The following SORCS1 variants were observed in gnomAD, a reference collection of about 807,000 sequenced individuals.
SORCS1 encodes VPS10 domain-containing receptor SorCS1.
Under a neutral mutation model 146.1 loss-of-function variants are expected in SORCS1, and 60 were observed. The observed-to-expected ratio is 0.41, with a 90% CI of 0.33 to 0.51. The LOEUF is 0.51. SORCS1 is among the 20% of genes least tolerant of loss of function. The pLI, the probability that SORCS1 is intolerant of heterozygous loss-of-function variation, is 0.21. For synonymous variants in SORCS1, 637 were observed against 584.0 expected, an observed-to-expected ratio of 1.09 and a Z score of -1.31; for missense variants, 1,352 against 1,487.6, an observed-to-expected ratio of 0.91 and a Z score of 1.50.
intron 2 of SORCS1, among the ~76,000 whole-genome samples, chr10:106,922,565 TAAGTGA>T (rs554727840): frequency 2.0e-3 from 311 of 152,298 alleles, no homozygotes; most frequent in Non-Finnish European, 3.5e-3. Context: ...ACAGCAAATT[TAAGTGA>T]AAGTACAGAG....
At chr10:106,901,175 A>T (rs932870797) in intron 2 of SORCS1, among the ~76,000 whole-genome samples, 3 of 152,234 alleles carry the variant, frequency 2.0e-5, no homozygotes, top group African/African-American at 7.2e-5. Context: ...CACTCAAGGG[A>T]GTCAGCAGGA....
At chr10:106,836,197 G>A (rs1948774768) in intron 2 of SORCS1, among the ~76,000 whole-genome samples, 1 of 152,104 alleles carries the variant, frequency 6.6e-6, no homozygotes. Flanking sequence ...GAGGTGCGCC[G>A]GGCGCAGTGG....
chr10:106,890,300 T>G (rs1251663663), intron 2 of SORCS1, among the ~76,000 whole-genome samples: 6 of 152,182 alleles, frequency 3.9e-5, no homozygotes, highest in African/African-American at 7.2e-5. Context: ...ATTGAACCTT[T>G]TTTTCTATCT....
At chr10:106,944,962 T>C (rs1376730798) in intron 2 of SORCS1, among the ~76,000 whole-genome samples, 1 of 144,914 alleles carries the variant, frequency 6.9e-6, no homozygotes, top group African/African-American at 2.6e-5. Flanking sequence ...CTTGGCTCAC[T>C]GCAACCTCTG....
chr10:106,985,503 C>T (rs1050428516), intron 1 of SORCS1, among the ~76,000 whole-genome samples: 15 of 150,644 alleles, frequency 1.0e-4, no homozygotes, highest in Admixed American at 7.3e-4. Context: ...CAAGACAACA[C>T]GTGAAGTCTA....
At chr10:106,735,981 T>C (rs921812442) in intron 5 of SORCS1, among the ~76,000 whole-genome samples, 2 of 152,030 alleles carry the variant, frequency 1.3e-5, no homozygotes, top group Non-Finnish European at 2.9e-5. Flanking sequence ...CTTAAGTAGG[T>C]TTTCACATTT....
intron 2 of SORCS1, among the ~76,000 whole-genome samples, chr10:106,929,639 T>C (rs1441103362): frequency 1.3e-5 from 2 of 152,196 alleles, no homozygotes; most frequent in Non-Finnish European, 2.9e-5. Flanking sequence ...ATTGTTTTAG[T>C]AGCCTGAGTT....
chr10:107,065,529 T>C (rs1487671868), intron 1 of SORCS1, among the ~76,000 whole-genome samples: 1 of 145,472 alleles, frequency 6.9e-6, no homozygotes, highest in Admixed American at 7.0e-5. Context: ...TCTTTCTTTC[T>C]TTCTCTTTCT....
chr10:106,926,420 C>A (rs1282680742), intron 2 of SORCS1, among the ~76,000 whole-genome samples: 1 of 152,128 alleles, frequency 6.6e-6, no homozygotes, highest in Non-Finnish European at 1.5e-5. Flanking sequence ...TGAGCCTCAA[C>A]TGTCTCATCT....
chr10:106,615,643 A>G (rs1462720200), intron 21 of SORCS1, among the ~76,000 whole-genome samples: 1 of 152,146 alleles, frequency 6.6e-6, no homozygotes, highest in Non-Finnish European at 1.5e-5. Flanking sequence ...GGGAGACCCC[A>G]TAACTTTCCG....
At chr10:106,655,522 A>G (rs1030776215) in intron 17 of SORCS1, among the ~76,000 whole-genome samples, 2 of 152,166 alleles carry the variant, frequency 1.3e-5, no homozygotes, top group African/African-American at 4.8e-5. Flanking sequence ...ATCATCAGCT[A>G]GAGAATATTC....
At chr10:106,926,371 A>G (rs950552981) in intron 2 of SORCS1, among the ~76,000 whole-genome samples, 10 of 152,224 alleles carry the variant, frequency 6.6e-5, no homozygotes, top group Admixed American at 6.5e-4. Flanking sequence ...CTTGCTTCCT[A>G]ACCAGCTATT....
intron 9 of SORCS1, among the ~76,000 whole-genome samples, chr10:106,690,027 G>A (rs1274278368): frequency 6.6e-6 from 1 of 152,230 alleles, no homozygotes; most frequent in Non-Finnish European, 1.5e-5. Flanking sequence ...GGTGCATTCT[G>A]TGCAATCAGT....
chr10:107,093,040 T>C (rs142044237), intron 1 of SORCS1, among the ~76,000 whole-genome samples: 2 of 152,340 alleles, frequency 1.3e-5, no homozygotes, highest in East Asian at 3.9e-4. Context: ...ATTTCTCATT[T>C]AATCCTTACA....
intron 18 of SORCS1, among the ~76,000 whole-genome samples, chr10:106,645,813 AAT>A (rs1849385643): frequency 6.6e-6 from 1 of 152,116 alleles, no homozygotes; most frequent in Non-Finnish European, 1.5e-5. Context: ...TATTATTACA[AAT>A]ACTTTTTTCC....
chr10:106,801,679 G>A (rs536013442), intron 3 of SORCS1, among the ~76,000 whole-genome samples: 226 of 151,970 alleles, frequency 1.5e-3, no homozygotes, highest in East Asian at 4.7e-3. Flanking sequence ...ACAGGCGCCC[G>A]CCACCACGCC....
intron 1 of SORCS1, among the ~76,000 whole-genome samples, chr10:107,099,311 T>C (rs899528450): frequency 2.6e-5 from 4 of 152,186 alleles, no homozygotes; most frequent in Non-Finnish European, 5.9e-5. Flanking sequence ...TGAGAAGATT[T>C]TTGAGTGTGA....
chr10:107,086,986 G>T (rs1365457841), intron 1 of SORCS1, among the ~76,000 whole-genome samples: 1 of 152,232 alleles, frequency 6.6e-6, no homozygotes, highest in Non-Finnish European at 1.5e-5. Flanking sequence ...CTGAGATCAC[G>T]GCACTGCACT....
rs572091505 is a variant in SORCS1 at position 106,684,046 on chromosome 10, G to A, written c.1560+4146C>T. On this transcript the variant is annotated intron_variant, in intron 10 of 25. Coordinates refer to ENST00000263054, the MANE Select transcript of SORCS1 (RefSeq NM_052918.5). ...GTCTGCTCAGCTCCAGTAGCAAACT[G>A]CCAGATAGGCCGGGCACGGTGGCTC... 3.9e-5 allele frequency among the ~76,000 whole-genome samples: 6 copies of A among 152,262 alleles called. No individual in the cohort carries two copies. The South Asian group carries it at 1.2e-3, about 32-fold the overall frequency.
Sources: gnomAD v4.1 joint callset for allele counts (sites outside exome capture counted in the v4.1 genomes callset) on GRCh38, gnomAD v4.1.1 for gene constraint, MANE v1.5 for transcripts, NCBI Gene and HGNC (gene_info 2026-07-23, HGNC 2026-07-21) for gene names.